LYST: variants seen among roughly 807,000 people sequenced by gnomAD.
The protein encoded by LYST is lysosomal trafficking regulator, also known as lysosomal-trafficking regulator.
LYST carries 192 observed loss-of-function variants against 413.6 expected under a neutral mutation model. That is an observed-to-expected ratio of 0.46 (90% CI 0.41 to 0.52). LYST has a LOEUF of 0.52. Among genes scored for constraint, LYST ranks in the 20% least tolerant of loss-of-function variants. The probability of loss-of-function intolerance (pLI) is 0.00; values close to 1 mark genes in which losing one functional copy is unlikely to be tolerated. For synonymous variants in LYST, 1,525 were observed against 1,567.3 expected, an observed-to-expected ratio of 0.97 and a Z score of 0.64; for missense variants, 3,815 against 4,499.9, an observed-to-expected ratio of 0.85 and a Z score of 4.35.
Position 235,752,128 on chromosome 1 carries a change from G to T in LYST, c.7504C>A (p.Gln2502Lys). The change falls in exon 27 of 53, where the codon CAA becomes AAA. Residue 2502 changes from glutamine to lysine, a missense_variant. Gln to Lys is a moderately conservative substitution (Grantham distance 53). Around this residue, in one of 4 missense-constraint regions of LYST, gnomAD observed 771 missense variants for 837.1 expected, o/e 0.92. Coordinates refer to ENST00000389793, the MANE Select transcript of LYST (RefSeq NM_000081.4). ...TGAATTGTAACTGCTATGAAAAGTT[G>T]CTGTATATCACAAGCAAGCAATTTA... ...EYKLLACDIQ[Q>K]LFIAVTIHAC... 6.2e-7 allele frequency: 1 copy of T among 1,611,766 alleles called. No individual in the cohort carries two copies. Among genetic ancestry groups the T allele is most frequent in the Non-Finnish European group, 8.5e-7 (1 of 1,178,340 alleles).
At position 235,788,597 on chromosome 1, in the gene LYST, G is replaced by A. The variant is rs1670672669; in HGVS notation, c.4688+104C>T. 7 of 1,039,260 alleles carry A rather than the reference G, an allele frequency of 6.7e-6. No homozygotes were observed. The South Asian group carries it at 6.8e-5, about 10-fold the overall frequency. The allele number at this position is 1,039,260 out of a possible 1,614,324, so 64.4% of individuals were successfully genotyped here. On this transcript the variant is annotated intron_variant, in intron 13 of 52. Coordinates refer to ENST00000389793, the MANE Select transcript of LYST (RefSeq NM_000081.4). ...TATATATTTTTAAATGAGACTTTTT[G>A]TTTTGCTATAATGAACTTTTATTAG...
At chr1:235,772,905 C>T (rs184222139) in intron 19 of LYST, among the ~76,000 whole-genome samples, 1 of 152,320 alleles carries the variant, frequency 6.6e-6, no homozygotes, top group Non-Finnish European at 1.5e-5. Context: ...TCAGCATTCC[C>T]CATGGCTGTT....
chr1:235,786,905 G>C (rs1234836703), intron 14 of LYST, among the ~76,000 whole-genome samples: 2 of 111,368 alleles, frequency 1.8e-5, no homozygotes, highest in East Asian at 3.1e-4. Context: ...GTCGTGGGGT[G>C]GGGGGAGGGG....
intron 3 of LYST, among the ~76,000 whole-genome samples, chr1:235,814,068 T>C (rs1204240326): frequency 1.3e-5 from 2 of 152,158 alleles, no homozygotes; most frequent in Non-Finnish European, 2.9e-5. Context: ...CTAAAATAAC[T>C]TGCAGTTGAT....
intron 3 of LYST, among the ~76,000 whole-genome samples, chr1:235,821,558 T>C (rs1209159477): frequency 1.3e-5 from 2 of 152,254 alleles, no homozygotes; most frequent in African/African-American, 4.8e-5. Flanking sequence ...TGAGTCAGGA[T>C]AGTTATATGT....
intron 9 of LYST, 31 bp downstream of exon 9, chr1:235,800,840 T>C (rs74148828): frequency 1.8e-5 from 26 of 1,432,900 alleles, no homozygotes; most frequent in South Asian, 1.5e-4. Context: ...CTGATAAATA[T>C]TGATCACATT....
At chr1:235,789,175 C>T (rs2103513682) in intron 12 of LYST, among the ~76,000 whole-genome samples, 1 of 152,268 alleles carries the variant, frequency 6.6e-6, no homozygotes, top group South Asian at 2.1e-4. Context: ...TCAACTATGA[C>T]TTCACTGACC....
At chr1:235,780,042 AAT>A (rs1669688004) in intron 16 of LYST, among the ~76,000 whole-genome samples, 1 of 152,194 alleles carries the variant, frequency 6.6e-6, no homozygotes, top group South Asian at 2.1e-4. Flanking sequence ...TATAAAAATC[AAT>A]AGAGTCTCAT....
intron 1 of LYST, among the ~76,000 whole-genome samples, chr1:235,879,293 G>A (rs1681271557): frequency 6.6e-6 from 1 of 152,264 alleles, no homozygotes; most frequent in African/African-American, 2.4e-5. Context: ...AGGTATGGGT[G>A]TGAATTCTGA....
At chr1:235,740,904 T>C (rs919662527) in intron 31 of LYST, among the ~76,000 whole-genome samples, 28 of 152,230 alleles carry the variant, frequency 1.8e-4, no homozygotes, top group African/African-American at 6.5e-4. Context: ...TATGGTTTAA[T>C]GTACCTTTTA....
chr1:235,787,115 T>G, intron 14 of LYST, 85 bp downstream of exon 14: 1 of 1,024,562 alleles, frequency 9.8e-7, no homozygotes, highest in South Asian at 1.3e-5. Flanking sequence ...GAAGTTTCTG[T>G]ATTCTGTTTC....
chr1:235,693,940 CT>C (rs1374754666), intron 46 of LYST, among the ~76,000 whole-genome samples: 1 of 152,016 alleles, frequency 6.6e-6, no homozygotes, highest in Non-Finnish European at 1.5e-5. Flanking sequence ...TCATTTAATC[CT>C]GTCAACTGCA....
intron 48 of LYST, among the ~76,000 whole-genome samples, chr1:235,679,268 G>T (rs1659624516): frequency 6.6e-6 from 1 of 152,100 alleles, no homozygotes; most frequent in Admixed American, 6.5e-5. Flanking sequence ...ACTCTCCACA[G>T]CCAGGAGTCT....
At chr1:235,764,721 T>C (rs533946101) in intron 21 of LYST, among the ~76,000 whole-genome samples, 48 of 152,130 alleles carry the variant, frequency 3.2e-4, no homozygotes, top group South Asian at 1.9e-3. Flanking sequence ...CAGGCAGGTC[T>C]TGAACTCCTG....
chr1:235,746,692 C>T (rs1665959377), intron 28 of LYST, among the ~76,000 whole-genome samples, 165 bp from the exon 29 acceptor site: 1 of 151,940 alleles, frequency 6.6e-6, no homozygotes, highest in Non-Finnish European at 1.5e-5. Flanking sequence ...GATGCTTCTC[C>T]CTCTTTGAAG....
intron 3 of LYST, among the ~76,000 whole-genome samples, chr1:235,819,121 A>T (rs149523135): frequency 6.6e-6 from 1 of 152,198 alleles, no homozygotes; most frequent in South Asian, 2.1e-4. Context: ...CCTCTGCTGG[A>T]ATTGTAGTCC....
intron 44 of LYST, 89 bp from the exon 45 acceptor site, chr1:235,703,066 TTATA>T: frequency 1.0e-6 from 1 of 975,384 alleles, no homozygotes; most frequent in Non-Finnish European, 1.6e-6. Flanking sequence ...ACACTTTGTT[TTATA>T]TTCTAGGTTA....
chr1:235,702,715 T>C, intron 45 of LYST, 32 bp downstream of exon 45: 1 of 1,566,178 alleles, frequency 6.4e-7, no homozygotes, highest in South Asian at 1.1e-5. Flanking sequence ...AATCAGGTTT[T>C]GCTGCACTCG....
chr1:235,791,633 G>A (rs781462766), intron 12 of LYST, 66 bp downstream of exon 12: 7 of 1,349,196 alleles, frequency 5.2e-6, no homozygotes, highest in African/African-American at 4.3e-5. Flanking sequence ...ACATTTTTAC[G>A]GCTCAAGGAA....
Sources: gnomAD v4.1 joint callset for allele counts (sites outside exome capture counted in the v4.1 genomes callset) on GRCh38, gnomAD v4.1.1 for gene constraint, gnomAD v4.1.1 regional missense constraint, MANE v1.5 for transcripts, NCBI Gene and HGNC (gene_info 2026-07-23, HGNC 2026-07-21) for gene names.